Variants in BRWD1 observed in about 807,000 individuals in gnomAD.
The protein encoded by BRWD1 is bromodomain and WD repeat domain containing 1, also known as bromodomain and WD repeat-containing protein 1.
In BRWD1, 82 loss-of-function variants were observed where a neutral mutation model predicts 251.2. The ratio of observed to expected loss-of-function variants is 0.33; its 90% CI spans 0.27 to 0.39. BRWD1 has a LOEUF of 0.39. Among genes scored for constraint, BRWD1 ranks in the 10% least tolerant of loss-of-function variants. BRWD1 has a pLI of 1.00. For synonymous variants in BRWD1, 918 were observed against 902.8 expected, an observed-to-expected ratio of 1.02 and a Z score of -0.30; for missense variants, 2,233 against 2,711.6, an observed-to-expected ratio of 0.82 and a Z score of 3.92.
downstream of BRWD1, chr21:39,185,251 A>G (rs1387537079): frequency 6.7e-6 from 1 of 149,184 alleles, no homozygotes; most frequent in African/African-American, 2.5e-5. Context: ...ACCACAGCAA[A>G]TTATAAATTC....
intron 5 of BRWD1, chr21:39,298,000 G>C: frequency 4.1e-6 from 4 of 985,856 alleles, no homozygotes; most frequent in Non-Finnish European, 4.8e-6. Context: ...TTGTTTTCAA[G>C]CTGCTACCAA....
intron 28 of BRWD1, among the ~76,000 whole-genome samples, 159 bp downstream of exon 28, chr21:39,224,927 A>G (rs868227404): frequency 7.2e-5 from 11 of 152,296 alleles, no homozygotes; most frequent in Admixed American, 2.0e-4. Flanking sequence ...ATAGGAAACA[A>G]AGAGTAGGTG....
intron 32 of BRWD1, 97 bp from the exon 33 acceptor site, chr21:39,213,650 A>G: frequency 1.4e-6 from 1 of 695,854 alleles, no homozygotes; most frequent in Non-Finnish European, 2.3e-6. Context: ...TCACCAACCT[A>G]TACGTGCCTA....
intron 23 of BRWD1, among the ~76,000 whole-genome samples, chr21:39,236,253 A>G (rs914793595): frequency 6.6e-6 from 1 of 151,994 alleles, no homozygotes; most frequent in Non-Finnish European, 1.5e-5. Context: ...AAGTCCCACT[A>G]TATCTGCCCC....
chr21:39,187,872 G>A lies in BRWD1; in HGVS notation c.*8387C>T, dbSNP rs2031333836. 1 of 982,434 alleles carries A rather than the reference G, an allele frequency of 1.0e-6. No individual in the cohort carries two copies. 60.9% of individuals were successfully genotyped at this position (982,434 alleles called of 1,614,324 possible). The stretch of plus-strand genomic sequence containing the variant: ...CAGAGTGCTATGAGAACACAGACTG[G>A]AAACCTAACCTAGCCTAAGGGATCA... On this transcript the variant is annotated 3_prime_UTR_variant, in exon 41 of 41. Coordinates refer to ENST00000342449, the MANE Select transcript of BRWD1 (RefSeq NM_033656.4).
chr21:39,217,311 G>A (rs2032995941), intron 31 of BRWD1: 1 of 153,580 alleles, frequency 6.5e-6, no homozygotes, highest in African/African-American at 2.4e-5. Flanking sequence ...GGCCAGGCTG[G>A]TCTCAAACTC....
intron 32 of BRWD1, among the ~76,000 whole-genome samples, chr21:39,214,601 C>T (rs920812354): frequency 1.3e-5 from 2 of 151,904 alleles, no homozygotes; most frequent in Non-Finnish European, 2.9e-5. Context: ...ATAAATTCTA[C>T]ACTTTCTGTC....
At chr21:39,217,083 A>ATATTT (rs2032975892) in intron 31 of BRWD1, 1 of 28,902 alleles carries the variant, frequency 3.5e-5, no homozygotes, top group Non-Finnish European at 6.0e-5. Context: ...ATATATATAT[A>ATATTT]TTTTTTTTTT....
chr21:39,219,213 G>A (rs2033072994), intron 29 of BRWD1, among the ~76,000 whole-genome samples: 1 of 152,132 alleles, frequency 6.6e-6, no homozygotes, highest in Non-Finnish European at 1.5e-5. Context: ...CTGAGGTCAG[G>A]AGTTTGAGAC....
Position 39,187,320 on chromosome 21 carries a change from T to G in BRWD1, c.*8939A>C. ...GGGGAACTTTCTCAGGTACCATTTT[T>G]GCTTTCAGAGTTTCACTAGGCATCT... On this transcript the variant is annotated 3_prime_UTR_variant, in exon 41 of 41. Transcript: ENST00000342449. 1 of 1,614,068 alleles carries G rather than the reference T, an allele frequency of 6.2e-7. No homozygotes were observed. The highest frequency in any genetic ancestry group is 1.1e-5 in the South Asian group (1 of 91,086).
chr21:39,226,931 C>T (rs1169825309), intron 27 of BRWD1, among the ~76,000 whole-genome samples: 1 of 151,822 alleles, frequency 6.6e-6, no homozygotes, highest in Non-Finnish European at 1.5e-5. Flanking sequence ...CAAAACCAGC[C>T]TGGGCAATAC....
At chr21:39,281,617 G>C (rs2035459148) in intron 8 of BRWD1, among the ~76,000 whole-genome samples, 1 of 152,176 alleles carries the variant, frequency 6.6e-6, no homozygotes, top group Non-Finnish European at 1.5e-5. Flanking sequence ...ATCACTTGAG[G>C]TCAGAAGTTT....
At chr21:39,312,219 T>C (rs911503535) in intron 4 of BRWD1, among the ~76,000 whole-genome samples, 3 of 152,198 alleles carry the variant, frequency 2.0e-5, no homozygotes, top group Admixed American at 6.5e-5. Context: ...AAGCACTTTA[T>C]TGTGTTATCT....
chr21:39,291,966 T>C (rs2035820738), intron 8 of BRWD1, among the ~76,000 whole-genome samples: 1 of 152,168 alleles, frequency 6.6e-6, no homozygotes, highest in African/African-American at 2.4e-5. Context: ...TTTTATTTTT[T>C]GAGGCAGTCT....
chr21:39,296,256 C>A lies in BRWD1; in HGVS notation c.448+9G>T. On this transcript the variant is annotated intron_variant, in intron 6 of 40. Coordinates refer to ENST00000342449, the MANE Select transcript of BRWD1 (RefSeq NM_033656.4). ...TATTTCAGGCATCTCAAAGGCCAAC[C>A]TTACTTACCAAGATTTGGTGGGGAA... The A allele has an allele frequency of 6.3e-7, 1 of 1,581,494 alleles. No homozygotes were observed. Among genetic ancestry groups the A allele is most frequent in the Non-Finnish European group, 8.6e-7 (1 of 1,167,440 alleles).
chr21:39,311,931 A>T (rs561369451), intron 4 of BRWD1, among the ~76,000 whole-genome samples: 1 of 152,310 alleles, frequency 6.6e-6, no homozygotes, highest in South Asian at 2.1e-4. Flanking sequence ...CAGGTCTTCC[A>T]ACTGTGGTAA....
chr21:39,214,293 T>G (rs1366042364), intron 32 of BRWD1, among the ~76,000 whole-genome samples: 1 of 152,180 alleles, frequency 6.6e-6, no homozygotes, highest in Non-Finnish European at 1.5e-5. Flanking sequence ...TCTGAATACT[T>G]CTGAATTTAA....
intron 22 of BRWD1, among the ~76,000 whole-genome samples, chr21:39,237,824 A>G (rs138209911): frequency 1.3e-5 from 2 of 152,318 alleles, no homozygotes; most frequent in Non-Finnish European, 2.9e-5. Context: ...TACCACAATT[A>G]AATTTGTTTA....
chr21:39,240,037 A>C (rs1301580366), intron 21 of BRWD1, among the ~76,000 whole-genome samples: 1 of 152,190 alleles, frequency 6.6e-6, no homozygotes, highest in Non-Finnish European at 1.5e-5. Flanking sequence ...CCAGACAATG[A>C]AATATTATTC....
Sources: gnomAD v4.1 joint callset for allele counts (sites outside exome capture counted in the v4.1 genomes callset) on GRCh38, gnomAD v4.1.1 for gene constraint, MANE v1.5 for transcripts, NCBI Gene and HGNC (gene_info 2026-07-23, HGNC 2026-07-21) for gene names.